The following CA1 variants were observed in gnomAD, a reference collection of about 807,000 sequenced individuals.
The protein encoded by CA1 is carbonate dehydratase I.
In CA1, 27 loss-of-function variants were observed where a neutral mutation model predicts 28.8. The ratio of observed to expected loss-of-function variants is 0.94; its 90% confidence interval spans 0.69 to 1.29. The LOEUF is 1.29. Ranked by LOEUF, CA1 falls within the 50% of genes most tolerant of loss-of-function variation. CA1 has a pLI of 0.00. For synonymous variants in CA1, 121 were observed against 108.8 expected, an observed-to-expected ratio of 1.11 and a Z score of -0.70; for missense variants, 335 against 310.5, an observed-to-expected ratio of 1.08 and a Z score of -0.59.
Position 85,378,085 on chromosome 8 carries a change from G to A in CA1, c.-64C>T, listed in dbSNP as rs1810484984. 6.6e-6 allele frequency: 1 copy of A among 152,214 alleles called. No homozygotes were observed. Among genetic ancestry groups the A allele is most frequent in the Non-Finnish European group, 1.5e-5 (1 of 68,056 alleles). The allele number at this position is 152,214 out of a possible 1,614,324, so 9.4% of individuals were successfully genotyped here. The stretch of plus-strand genomic sequence containing the variant: ...GAAGGCTGCCACAGAGGACCACGCA[G>A]GGGGTTGCACCTGAGGACTGGGTAC... On this transcript the variant is annotated 5_prime_UTR_variant, in exon 1 of 8. Transcript: ENST00000523022.
At chr8:85,339,000 G>A (rs2130196270) in intron 2 of CA1, among the ~76,000 whole-genome samples, 1 of 152,132 alleles carries the variant, frequency 6.6e-6, no homozygotes. Flanking sequence ...ACAAGCATGA[G>A]CCACTGCACC....
intron 2 of CA1, chr8:85,341,334 A>G (rs1808917700): frequency 6.0e-6 from 2 of 330,842 alleles, no homozygotes; most frequent in Admixed American, 4.5e-5. Context: ...CTTTCTTGTG[A>G]TATTTGCTTA....
chr8:85,348,389 A>G (rs1213662660), intron 1 of CA1, among the ~76,000 whole-genome samples: 1 of 152,204 alleles, frequency 6.6e-6, no homozygotes, highest in Non-Finnish European at 1.5e-5. Context: ...TACAATAACT[A>G]AATGCCTTCT....
intron 3 of CA1, chr8:85,337,918 AGTT>A (rs1808728441): frequency 5.0e-6 from 2 of 397,564 alleles, no homozygotes; most frequent in Non-Finnish European, 9.5e-6. Context: ...TTTTCTTTTT[AGTT>A]GTTATATTTG....
rs2130106042 is a variant in CA1 at position 85,328,611 on chromosome 8, G to A, written c.735C>T (p.Asn245=). The change falls in exon 8 of 8, where the codon AAC becomes AAT. Residue 245 remains asparagine (N), a synonymous_variant. Coordinates refer to ENST00000523022, the MANE Select transcript of CA1 (RefSeq NM_001128831.4). ...CCTTCAGAGGTTGGGTTGGGCGGTT[G>A]TTGTGCTGCATGGGGACAGCGTTAT... is the stretch of plus-strand genomic sequence containing the variant. ...EGDNAVPMQH[N]NRPTQPLKGR... 1 of 1,612,254 alleles carries A rather than the reference G, an allele frequency of 6.2e-7. No individual in the cohort carries two copies. The highest frequency in any genetic ancestry group is 8.5e-7 in the Non-Finnish European group (1 of 1,178,718).
intron 1 of CA1, among the ~76,000 whole-genome samples, chr8:85,345,902 C>T (rs1809163527): frequency 6.6e-6 from 1 of 152,034 alleles, no homozygotes; most frequent in Non-Finnish European, 1.5e-5. Context: ...CAAAATCTAA[C>T]TCTTCAAATA....
At position 85,372,897 on chromosome 8, in the gene CA1, G is replaced by T. The variant is rs537102366; in HGVS notation, c.-25+5149C>A. Among the ~76,000 whole-genome samples, 8 of 152,194 alleles carry T rather than the reference G, an allele frequency of 5.3e-5. No individual in the cohort carries two copies. In the East Asian group the frequency reaches 1.4e-3, roughly 26 times the overall value. On this transcript the variant is annotated intron_variant, in intron 1 of 7. Coordinates refer to ENST00000523022, the MANE Select transcript of CA1 (RefSeq NM_001128831.4). ...TTATCAGATTTTCTGTTGCCATGTT[G>T]CAGTGCTTGTGTTCAAGTAACCCTT...
intron 1 of CA1, 26 bp from the exon 2 acceptor site, chr8:85,341,685 T>C: frequency 2.4e-6 from 3 of 1,233,770 alleles, no homozygotes; most frequent in South Asian, 1.2e-5. Flanking sequence ...ATACCTGGAA[T>C]AACTAACTGC....
rs138671189 is a variant in CA1 at position 85,370,328 on chromosome 8, A to G, written c.-25+7718T>C. ...TTCATTCAAACCTCTGGGGATACAA[A>G]TGGTAGTGACTGGTTATCATGGGAA... On this transcript the variant is annotated intron_variant, in intron 1 of 7. Transcript: ENST00000523022. 1.3e-3 allele frequency among the ~76,000 whole-genome samples: 200 copies of G among 152,306 alleles called. 2 individuals are homozygous for G. Among genetic ancestry groups the G allele is most frequent in the African/African-American group, 4.4e-3 (185 of 41,578 alleles).
rs192435005 is a variant in CA1, at chr8:85,330,276, G to A, written c.514-432C>T. ...CAGTTTTATTCTATTTATTCCTATC[G>A]TCTTTTCTGATTGTTACTGGTGTGT... is the stretch of plus-strand genomic sequence containing the variant. On this transcript the variant is annotated intron_variant, in intron 6 of 7. Coordinates refer to ENST00000523022, the MANE Select transcript of CA1 (RefSeq NM_001128831.4). Among the ~76,000 whole-genome samples the A allele has an allele frequency of 5.4e-4, 82 of 151,760 alleles. No homozygotes were observed. In the East Asian group the frequency reaches 6.4e-3, roughly 12 times the overall value.
chr8:85,365,272 C>T (rs544968904), intron 1 of CA1, among the ~76,000 whole-genome samples: 30 of 152,268 alleles, frequency 2.0e-4, no homozygotes, highest in Middle Eastern at 3.4e-3. Flanking sequence ...ACTTAACAGG[C>T]GCTTCATTTC....
chr8:85,337,995 A>G, intron 3 of CA1: 1 of 618,928 alleles, frequency 1.6e-6, no homozygotes, highest in Non-Finnish European at 3.0e-6. Context: ...TGAAGTGAGC[A>G]TACAGATACT....
chr8:85,376,055 G>A (rs2130424421), intron 1 of CA1, among the ~76,000 whole-genome samples: 1 of 152,310 alleles, frequency 6.6e-6, no homozygotes, highest in Non-Finnish European at 1.5e-5. Context: ...AAGAAGCTGG[G>A]CATGGTGGCT....
intron 1 of CA1, among the ~76,000 whole-genome samples, chr8:85,353,100 T>A (rs1011895148): frequency 6.6e-6 from 1 of 152,120 alleles, no homozygotes; most frequent in Non-Finnish European, 1.5e-5. Context: ...TCTCCAGTGG[T>A]CAAAAATTTG....
rs142878539 is a variant in CA1 at position 85,342,418 on chromosome 8, A to G, written c.-24-759T>C. Among the ~76,000 whole-genome samples the G allele has an allele frequency of 4.0e-4, 61 of 152,346 alleles. No individual in the cohort carries two copies. In the East Asian group the frequency reaches 7.7e-3, roughly 19 times the overall value. ...TACATACAAATGCTATATAGTAAGA[A>G]TTAGCATTTGTAATTGAGAGATGTT... On this transcript the variant is annotated intron_variant, in intron 1 of 7. Transcript: ENST00000523022.
In CA1 at chr8:85,337,683, G is replaced by A. The variant is rs566955286; in HGVS notation, c.235+569C>T. ...TATTAATAATGGACATAGTCCCAAGGTGCCTAAAATTTAGGCCTCAGAAAC... is the reference window on the plus strand; with the variant it reads ...TATTAATAATGGACATAGTCCCAAGATGCCTAAAATTTAGGCCTCAGAAAC... On this transcript the variant is annotated intron_variant, in intron 3 of 7. Coordinates refer to ENST00000523022, the MANE Select transcript of CA1 (RefSeq NM_001128831.4). 2.0e-5 allele frequency among the ~76,000 whole-genome samples: 3 copies of A among 152,164 alleles called. No homozygotes were observed. The South Asian group carries it at 6.2e-4, about 32-fold the overall frequency.
At chr8:85,372,824 G>A (rs752832003) in intron 1 of CA1, among the ~76,000 whole-genome samples, 5 of 152,046 alleles carry the variant, frequency 3.3e-5, no homozygotes, top group Admixed American at 6.6e-5. Flanking sequence ...CCATCATATC[G>A]CCTCTGTACA....
At chr8:85,332,403 T>A (rs1260357477) in intron 6 of CA1, 87 bp downstream of exon 6, 2 of 1,051,064 alleles carry the variant, frequency 1.9e-6, no homozygotes, top group African/African-American at 3.1e-5. Flanking sequence ...GCCTTCCTAC[T>A]CCCCAGTTTT....
At position 85,366,164 on chromosome 8, in the gene CA1, CCT is replaced by C. The variant is rs1491178279; in HGVS notation, c.-25+11880_-25+11881del. On this transcript the variant is annotated intron_variant, in intron 1 of 7. Coordinates refer to ENST00000523022, the MANE Select transcript of CA1 (RefSeq NM_001128831.4). ...GAAGCCCCACCATGCTCTTTCTTCC[CCT>C]TTTTTTTTTTTTTTTTTTTAAGTTT... 1.3e-4 allele frequency among the ~76,000 whole-genome samples: 15 copies of C among 113,592 alleles called. No individual in the cohort carries two copies. In the East Asian group the frequency reaches 3.1e-3, roughly 24 times the overall value. 74.5% of individuals were successfully genotyped at this position (113,592 alleles called of 152,430 possible).
Sources: allele counts gnomAD v4.1 joint callset (sites outside exome capture counted in the v4.1 genomes callset), GRCh38; gene constraint gnomAD v4.1.1; transcripts MANE v1.5; gene names NCBI Gene and HGNC (gene_info 2026-07-23, HGNC 2026-07-21).